The following CDADC1 variants were observed in gnomAD, a reference collection of about 807,000 sequenced individuals.
The protein encoded by CDADC1 is cytidine and dCMP deaminase domain containing 1, also known as dCTP deaminase.
In CDADC1, 39 loss-of-function variants were observed where a neutral mutation model predicts 54.9. The ratio of observed to expected loss-of-function variants is 0.71; its 90% confidence interval spans 0.55 to 0.93. The LOEUF (loss-of-function observed/expected upper bound fraction) is 0.93. Among genes scored for constraint, CDADC1 ranks in the 40% least tolerant of loss-of-function variants. The pLI is 0.00. For synonymous variants in CDADC1, 186 were observed against 204.0 expected (o/e 0.91, Z 0.75); for missense variants, 518 against 618.8 (o/e 0.84, Z 1.73).
At position 49,286,282 on chromosome 13, in the gene CDADC1, A is replaced by G. The variant is rs770646478; in HGVS notation, c.1471A>G (p.Asn491Asp). 6.2e-7 allele frequency: 1 copy of G among 1,610,112 alleles called. No homozygotes were observed. The highest frequency in any genetic ancestry group is 8.5e-7 in the Non-Finnish European group (1 of 1,176,380). The change falls in exon 9 of 10, where the codon AAT becomes GAT. Residue 491 changes from asparagine to aspartate, a missense_variant and splice_region_variant. Transcript: ENST00000251108. ...LEQNEPERRE[N>D]GVLRPVPQKE... ...ACAAAATGAGCCTGAAAGGAGAGAA[A>G]GTAAGTATTTATGTATTGAGGTGAA...
Position 49,263,213 on chromosome 13 carries a change from TAAACA to T in CDADC1, c.430+3692_430+3696del, listed in dbSNP as rs1952726715. Among the ~76,000 whole-genome samples, 3 of 152,220 alleles carry T rather than the reference TAAACA, an allele frequency of 2.0e-5. No individual in the cohort carries two copies. The South Asian group carries it at 6.2e-4, about 32-fold the overall frequency. ...ATATAGTGAACCTGTCACTTTCAGA[TAAACA>T]ACTGACAGTATTTGTTGCCAGTGAT... On this transcript the variant is annotated intron_variant, in intron 4 of 9. Coordinates refer to ENST00000251108, the MANE Select transcript of CDADC1 (RefSeq NM_030911.4).
At chr13:49,252,753 G>A (rs544101345) in intron 2 of CDADC1, among the ~76,000 whole-genome samples, 51 of 152,236 alleles carry the variant, frequency 3.4e-4, no homozygotes, top group African/African-American at 1.2e-3. Context: ...TTTGCAGGTA[G>A]TTGCAGTCAT....
chr13:49,278,536 G>T lies in CDADC1; in HGVS notation c.1220+17G>T. ...GACATTTAGGTATGAAATCCTTCTT[G>T]GTGTACTTTTCTTTAAAATGTAGCA... On this transcript the variant is annotated intron_variant, in intron 7 of 9. Transcript: ENST00000251108. 2 of 1,447,062 alleles carry T rather than the reference G, an allele frequency of 1.4e-6. No homozygotes were observed. The highest frequency in any genetic ancestry group is 1.5e-5 in the South Asian group (1 of 66,004). 89.6% of individuals were successfully genotyped at this position (1,447,062 alleles called of 1,614,324 possible).
chr13:49,250,013 CA>C (rs1566349073), intron 2 of CDADC1, among the ~76,000 whole-genome samples: 1 of 151,968 alleles, frequency 6.6e-6, no homozygotes, highest in African/African-American at 2.4e-5. Flanking sequence ...TTTTTTAAAA[CA>C]GAGGTAAAAT....
At chr13:49,273,939 C>G (rs1204136694) in intron 5 of CDADC1, among the ~76,000 whole-genome samples, 1 of 152,124 alleles carries the variant, frequency 6.6e-6, no homozygotes, top group African/African-American at 2.4e-5. Context: ...TATCACCTAT[C>G]AGAAGTAGTT....
chr13:49,247,979 G>T lies in CDADC1; in HGVS notation c.-59G>T. ...GGAGGCGAGAGGCGGGGGCGCTAGGGCCGAGATCATGTCTGACTGGGAGAG... is the reference window on the plus strand; with the variant it reads ...GGAGGCGAGAGGCGGGGGCGCTAGGTCCGAGATCATGTCTGACTGGGAGAG... On this transcript the variant is annotated 5_prime_UTR_variant, in exon 1 of 10. Coordinates refer to ENST00000251108, the MANE Select transcript of CDADC1 (RefSeq NM_030911.4). The T allele has an allele frequency of 3.4e-6, 5 of 1,478,458 alleles. No homozygotes were observed. The highest frequency in any genetic ancestry group is 3.7e-6 in the Non-Finnish European group (4 of 1,081,362). 91.6% of individuals were successfully genotyped at this position (1,478,458 alleles called of 1,614,324 possible).
chr13:49,292,664 A>G lies in CDADC1; in HGVS notation c.*907A>G. The G allele has an allele frequency of 6.6e-6, 8 of 1,211,304 alleles. No individual in the cohort carries two copies. The South Asian group carries it at 1.2e-4, about 18-fold the overall frequency. The allele number at this position is 1,211,304 out of a possible 1,614,324, so 75.0% of individuals were successfully genotyped here. ...AATAAATACTGAAAGTCTTGAAAGT[A>G]TGGTCATTTCAGCTATTCCAGATTG... On this transcript the variant is annotated 3_prime_UTR_variant, in exon 10 of 10. Transcript: ENST00000251108.
intron 2 of CDADC1, among the ~76,000 whole-genome samples, chr13:49,250,754 G>A (rs1367340500): frequency 2.0e-5 from 3 of 152,106 alleles, no homozygotes; most frequent in South Asian, 2.1e-4. Flanking sequence ...GAGGATATTC[G>A]CTTCTCATAA....
At chr13:49,262,956 C>A (rs1243594323) in intron 4 of CDADC1, among the ~76,000 whole-genome samples, 1 of 152,144 alleles carries the variant, frequency 6.6e-6, no homozygotes. Context: ...TAAAAAGTAT[C>A]AATTTTATTA....
chr13:49,269,173 T>G (rs2138224673), intron 5 of CDADC1, among the ~76,000 whole-genome samples: 1 of 152,332 alleles, frequency 6.6e-6, no homozygotes, highest in Middle Eastern at 3.4e-3. Context: ...TCTCTACAGA[T>G]GCTGCTGGTC....
chr13:49,290,196 G>A (rs1229154939), intron 9 of CDADC1, among the ~76,000 whole-genome samples: 1 of 151,890 alleles, frequency 6.6e-6, no homozygotes, highest in Non-Finnish European at 1.5e-5. Context: ...GACGAGAGAG[G>A]GAGCGCACGG....
chr13:49,278,794 A>C (rs1953225087), intron 7 of CDADC1, among the ~76,000 whole-genome samples: 1 of 152,012 alleles, frequency 6.6e-6, no homozygotes, highest in Non-Finnish European at 1.5e-5. Flanking sequence ...ATCCTTTGGG[A>C]TCTTGCTCAG....
At chr13:49,287,321 G>A (rs1284752759) in intron 9 of CDADC1, among the ~76,000 whole-genome samples, 2 of 152,178 alleles carry the variant, frequency 1.3e-5, no homozygotes, top group African/African-American at 4.8e-5. Flanking sequence ...AAAGGTCTTA[G>A]AATAATTTTT....
chr13:49,274,224 G>T, intron 5 of CDADC1, 67 bp from the exon 6 acceptor site: 1 of 1,261,276 alleles, frequency 7.9e-7, no homozygotes, highest in South Asian at 1.3e-5. Flanking sequence ...TATTACTTTT[G>T]GAAAAATATA....
Position 49,280,513 on chromosome 13 carries a change from CAAGA to C in CDADC1, c.1228_1231del (p.Glu410Ter). On this transcript the variant is annotated frameshift_variant, in exon 8 of 10. Transcript: ENST00000251108. LOFTEE classifies it high-confidence loss of function. Reference sequence around the variant, plus strand: ...ATTTTATAATTTTTTTTGTAGGTGTCAAGAAATAAAACCAGAAGAAAGAAGCATG... The same window carrying C: ...ATTTTATAATTTTTTTTGTAGGTGTCAATAAAACCAGAAGAAAGAAGCATG... 1.4e-6 allele frequency: 2 copies of C among 1,398,918 alleles called. No homozygotes were observed. The highest frequency in any genetic ancestry group is 1.9e-6 in the Non-Finnish European group (2 of 1,063,352). The allele number at this position is 1,398,918 out of a possible 1,614,324, so 86.7% of individuals were successfully genotyped here.
chr13:49,251,035 G>T (rs1952417584), intron 2 of CDADC1, among the ~76,000 whole-genome samples: 1 of 151,942 alleles, frequency 6.6e-6, no homozygotes, highest in Non-Finnish European at 1.5e-5. Flanking sequence ...ATGTAGTGTT[G>T]TGTTTTTTTT....
chr13:49,249,058 T>A, intron 2 of CDADC1, 93 bp downstream of exon 2: 2 of 749,816 alleles, frequency 2.7e-6, no homozygotes, highest in Non-Finnish European at 4.8e-6. Flanking sequence ...AAAACCAAAC[T>A]TAACAAGGCT....
In CDADC1 at chr13:49,247,975, T is replaced by TCCC; in HGVS notation, c.-63_-62insCCC. ...GAGAGGAGGCGAGAGGCGGGGGCGC[T>TCCC]AGGGCCGAGATCATGTCTGACTGGG... On this transcript the variant is annotated 5_prime_UTR_variant, in exon 1 of 10. Transcript: ENST00000251108. 1 of 1,454,158 alleles carries TCCC rather than the reference T, an allele frequency of 6.9e-7. No homozygotes were observed. Among genetic ancestry groups the TCCC allele is most frequent in the Non-Finnish European group, 9.4e-7 (1 of 1,060,348 alleles). The allele number at this position is 1,454,158 out of a possible 1,614,324, so 90.1% of individuals were successfully genotyped here.
At chr13:49,277,696 G>A (rs1745885698) in intron 6 of CDADC1, among the ~76,000 whole-genome samples, 1 of 152,008 alleles carries the variant, frequency 6.6e-6, no homozygotes. Context: ...AATTGATAAA[G>A]CATTCATATT....
Sources: allele counts gnomAD v4.1 joint callset (sites outside exome capture counted in the v4.1 genomes callset), GRCh38; gene constraint gnomAD v4.1.1; transcripts MANE v1.5; gene names NCBI Gene and HGNC (gene_info 2026-07-23, HGNC 2026-07-21).